ZNF385D: variants seen among roughly 807,000 people sequenced by gnomAD.
The protein encoded by ZNF385D is zinc finger protein 385D, also known as zinc finger protein 659.
In ZNF385D, 15 loss-of-function variants were observed where a neutral mutation model predicts 35.8. The ratio of observed to expected loss-of-function variants is 0.42; its 90% CI spans 0.28 to 0.64. The LOEUF (loss-of-function observed/expected upper bound fraction) is 0.64. Among genes scored for constraint, ZNF385D ranks in the 30% least tolerant of loss-of-function variants. ZNF385D has a pLI of 0.23. For missense variants in ZNF385D, 474 were observed against 494.6 expected, an observed-to-expected ratio of 0.96 and a Z score of 0.39; for synonymous variants, 212 against 186.8, an observed-to-expected ratio of 1.13 and a Z score of -1.10.
rs76083664 is a variant in ZNF385D at position 22,142,602 on chromosome 3, A to G, written c.325+26215T>C. ...TACGGTGGTCTCCAACCCGAGAAAC[A>G]TATCCGCACAGATTGTGTTAATGGT... On this transcript the variant is annotated intron_variant, in intron 3 of 5. Coordinates refer to the ZNF385D transcript ENST00000494108. 4.6e-5 allele frequency among the ~76,000 whole-genome samples: 7 copies of G among 152,240 alleles called. No homozygotes were observed. The East Asian group carries it at 1.2e-3, about 25-fold the overall frequency.
rs114740729 is a variant in ZNF385D, at chr3:22,364,439, G to C, written c.106+8011C>G. Among the ~76,000 whole-genome samples, 1,092 of 152,018 alleles carry C rather than the reference G, an allele frequency of 7.2e-3. 21 individuals carry two copies. Among genetic ancestry groups the C allele is most frequent in the African/African-American group, 0.025 (1,021 of 41,480 alleles). On this transcript the variant is annotated intron_variant, in intron 2 of 5. Transcript: ENST00000494108. ...GCAACCTGATTAAAAATGGGCAAAG[G>C]ACTTGACTAAATATTGCTTTAAAGG...
At chr3:22,271,288 G>A (rs146648461) in intron 2 of ZNF385D, among the ~76,000 whole-genome samples, 4 of 151,946 alleles carry the variant, frequency 2.6e-5, no homozygotes, top group African/African-American at 9.7e-5. Flanking sequence ...AAAAGGCAGA[G>A]ATATAGAAGA....
chr3:22,241,118 C>A (rs1206158077), intron 2 of ZNF385D, among the ~76,000 whole-genome samples: 1 of 151,156 alleles, frequency 6.6e-6, no homozygotes, highest in African/African-American at 2.4e-5. Flanking sequence ...ATAACTAAAT[C>A]AATAAATTAT....
intron 2 of ZNF385D, among the ~76,000 whole-genome samples, chr3:21,630,023 A>G (rs370961746): frequency 1.3e-4 from 20 of 150,508 alleles, no homozygotes; most frequent in Admixed American, 2.7e-4. Flanking sequence ...TTTCCTCACT[A>G]TGTCCTCCCA....
At chr3:21,993,450 G>T (rs1211664735) in intron 3 of ZNF385D, among the ~76,000 whole-genome samples, 4 of 151,998 alleles carry the variant, frequency 2.6e-5, no homozygotes, top group African/African-American at 9.7e-5. Context: ...ATAATCTTAT[G>T]ATTATTCAAA....
intron 2 of ZNF385D, among the ~76,000 whole-genome samples, chr3:22,215,329 C>G (rs1029650222): frequency 6.6e-6 from 1 of 152,042 alleles, no homozygotes; most frequent in African/African-American, 2.4e-5. Flanking sequence ...CAGAACAGAG[C>G]CATATTTCTC....
intron 2 of ZNF385D, among the ~76,000 whole-genome samples, chr3:21,664,176 A>T (rs576215298): frequency 6.6e-6 from 1 of 151,982 alleles, no homozygotes; most frequent in African/African-American, 2.4e-5. Context: ...TTTCATCCTA[A>T]GAATACTCTT....
intron 2 of ZNF385D, among the ~76,000 whole-genome samples, chr3:22,215,952 G>A (rs1270195140): frequency 2.6e-5 from 4 of 151,798 alleles, no homozygotes; most frequent in East Asian, 1.9e-4. Context: ...GTGAAATATC[G>A]GGGGTGAATT....
chr3:21,897,407 C>T (rs1370531208), intron 3 of ZNF385D, among the ~76,000 whole-genome samples: 3 of 152,184 alleles, frequency 2.0e-5, no homozygotes, highest in Admixed American at 1.3e-4. Flanking sequence ...AGTCTCATGA[C>T]TAGCTGCAAA....
intron 3 of ZNF385D, among the ~76,000 whole-genome samples, chr3:22,106,472 C>G (rs992998047): frequency 6.6e-6 from 1 of 152,130 alleles, no homozygotes; most frequent in African/African-American, 2.4e-5. Flanking sequence ...CCTTTTAGGA[C>G]CTTTTTCCTT....
chr3:21,861,561 A>C (rs553827333), intron 3 of ZNF385D, among the ~76,000 whole-genome samples: 6 of 152,242 alleles, frequency 3.9e-5, no homozygotes, highest in African/African-American at 1.4e-4. Flanking sequence ...TGAACACTAA[A>C]ATCACTGAGT....
chr3:22,246,656 TA>T (rs1246152649), intron 2 of ZNF385D, among the ~76,000 whole-genome samples: 3 of 152,118 alleles, frequency 2.0e-5, no homozygotes, highest in African/African-American at 7.2e-5. Flanking sequence ...AAGAAAGCCT[TA>T]AGTGTCTGTT....
intron 3 of ZNF385D, among the ~76,000 whole-genome samples, chr3:22,127,156 G>A (rs1039111768): frequency 1.3e-5 from 2 of 151,758 alleles, no homozygotes; most frequent in African/African-American, 2.4e-5. Context: ...AAAGAGTTTA[G>A]GACATTGACA....
At chr3:22,279,722 T>C (rs1701640238) in intron 2 of ZNF385D, among the ~76,000 whole-genome samples, 1 of 151,730 alleles carries the variant, frequency 6.6e-6, no homozygotes, top group African/African-American at 2.4e-5. Flanking sequence ...ATTTTTACAA[T>C]TATGAATTCT....
intron 4 of ZNF385D, among the ~76,000 whole-genome samples, chr3:21,450,557 T>A (rs192486384): frequency 6.6e-6 from 1 of 152,170 alleles, no homozygotes; most frequent in Admixed American, 6.6e-5. Context: ...GGAGTTGAAC[T>A]GTATGATTTG....
At chr3:21,968,969 T>C (rs1018675279) in intron 3 of ZNF385D, among the ~76,000 whole-genome samples, 2 of 152,186 alleles carry the variant, frequency 1.3e-5, no homozygotes, top group African/African-American at 4.8e-5. Flanking sequence ...TGGACTTGGC[T>C]TGGGCCAGAG....
chr3:21,687,906 T>G (rs2067158899), intron 1 of ZNF385D, among the ~76,000 whole-genome samples: 1 of 152,198 alleles, frequency 6.6e-6, no homozygotes, highest in South Asian at 2.1e-4. Context: ...AAATCTGTTT[T>G]TTTTTTAGAC....
At chr3:21,512,163 A>AG (rs1553604166) in intron 3 of ZNF385D, among the ~76,000 whole-genome samples, 1 of 151,432 alleles carries the variant, frequency 6.6e-6, no homozygotes, top group African/African-American at 2.4e-5. Flanking sequence ...AAAAAAAAAA[A>AG]AGAAGTACAT....
At chr3:21,723,755 A>C (rs1465959856) in intron 1 of ZNF385D, among the ~76,000 whole-genome samples, 1 of 152,184 alleles carries the variant, frequency 6.6e-6, no homozygotes, top group Non-Finnish European at 1.5e-5. Context: ...AACTTCCTCA[A>C]CCTAGCAAGG....
Sources: allele counts gnomAD v4.1 joint callset (sites outside exome capture counted in the v4.1 genomes callset), GRCh38; gene constraint gnomAD v4.1.1; transcripts MANE v1.5; gene names NCBI Gene and HGNC (gene_info 2026-07-23, HGNC 2026-07-21).